Variants in UBE2W observed in about 807,000 individuals in gnomAD.
UBE2W encodes the protein ubiquitin-conjugating enzyme E2 W.
UBE2W carries 18 observed loss-of-function variants against 27.2 expected under a neutral mutation model. The observed-to-expected ratio is 0.66, with a 90% CI of 0.46 to 0.98. The LOEUF (loss-of-function observed/expected upper bound fraction) is 0.98, where lower values mean the gene tolerates loss of function less well. Ranked by LOEUF, UBE2W falls within the 50% of genes least tolerant of loss-of-function variation. UBE2W has a pLI of 0.00. For missense variants in UBE2W, 90 were observed against 180.2 expected, an observed-to-expected ratio of 0.50 and a Z score of 2.87; for synonymous variants, 53 against 57.2, an observed-to-expected ratio of 0.93 and a Z score of 0.33.
intron 1 of UBE2W, chr8:73,870,265 T>G (rs1175206871): frequency 2.5e-6 from 4 of 1,586,634 alleles, no homozygotes; most frequent in Non-Finnish European, 2.6e-6. Context: ...AAACACACAC[T>G]TACTGGAAAC....
rs1461684717 is a variant in UBE2W at position 73,789,018 on chromosome 8, C to A, written c.*5084G>T. 1.0e-6 allele frequency: 1 copy of A among 983,390 alleles called. No homozygotes were observed. Among genetic ancestry groups the A allele is most frequent in the Admixed American group, 6.2e-5 (1 of 16,228 alleles). 60.9% of individuals were successfully genotyped at this position (983,390 alleles called of 1,614,324 possible). On this transcript the variant is annotated 3_prime_UTR_variant, in exon 6 of 6. Transcript: ENST00000602593. ...CATTCTAGAGACTCATCACAAAATA[C>A]AAGTCACAATATTAACATATGAAAA...
At chr8:73,781,792 T>C (rs1284323343), downstream of UBE2W, among the ~76,000 whole-genome samples, 9 of 152,096 alleles carry the variant, frequency 5.9e-5, no homozygotes, top group Admixed American at 5.9e-4. Flanking sequence ...TTGCCCAGGC[T>C]AGACTCAGGT....
At chr8:73,840,538 A>T (rs1335087828) in intron 1 of UBE2W, among the ~76,000 whole-genome samples, 3 of 152,266 alleles carry the variant, frequency 2.0e-5, no homozygotes, top group African/African-American at 7.2e-5. Context: ...GCAAAATATC[A>T]ACCAAGAAAT....
chr8:73,824,924 A>G (rs1043136605), intron 3 of UBE2W, among the ~76,000 whole-genome samples: 2 of 152,206 alleles, frequency 1.3e-5, no homozygotes, highest in Non-Finnish European at 2.9e-5. Context: ...GTTAGCATTT[A>G]TGGATAAGCA....
chr8:73,807,941 T>C (rs1211821190), intron 4 of UBE2W, among the ~76,000 whole-genome samples: 1 of 152,150 alleles, frequency 6.6e-6, no homozygotes, highest in Admixed American at 6.5e-5. Context: ...TACAAAGGCA[T>C]GCAAATAAAG....
chr8:73,784,726 T>G (rs982082261), downstream of UBE2W, among the ~76,000 whole-genome samples: 3 of 152,106 alleles, frequency 2.0e-5, no homozygotes, highest in African/African-American at 7.2e-5. Context: ...TGATCTTTAC[T>G]ATGAAGTAGA....
At chr8:73,878,230 C>G (rs923106502) in intron 1 of UBE2W, among the ~76,000 whole-genome samples, 2 of 152,180 alleles carry the variant, frequency 1.3e-5, no homozygotes, top group African/African-American at 4.8e-5. Flanking sequence ...AAGATACCCA[C>G]GGGCACAGGA....
At position 73,865,339 on chromosome 8, in the gene UBE2W, A is replaced by C. The variant is rs79072742; in HGVS notation, c.15+13469T>G. Among the ~76,000 whole-genome samples, 665 of 152,258 alleles carry C rather than the reference A, an allele frequency of 4.4e-3. 7 individuals are homozygous for C. The highest frequency in any genetic ancestry group is 0.015 in the African/African-American group (639 of 41,512). Reference sequence around the variant, plus strand: ...TAACCTAAACTAATTGTTATAAAGAAATGAATTCTATGTCTGTAACCCCAG... The same window carrying C: ...TAACCTAAACTAATTGTTATAAAGACATGAATTCTATGTCTGTAACCCCAG... On this transcript the variant is annotated intron_variant, in intron 1 of 5. Coordinates refer to ENST00000602593, the MANE Select transcript of UBE2W (RefSeq NM_018299.6).
chr8:73,813,711 A>G (rs1809268621), intron 3 of UBE2W, among the ~76,000 whole-genome samples: 1 of 152,056 alleles, frequency 6.6e-6, no homozygotes. Context: ...TCAATAGTTC[A>G]TTCACATAAG....
chr8:73,866,278 A>AT (rs1811754651), intron 1 of UBE2W, among the ~76,000 whole-genome samples: 1 of 94,780 alleles, frequency 1.1e-5, no homozygotes, highest in African/African-American at 4.9e-5. Flanking sequence ...TAAAAAAAAA[A>AT]AAAAAAAAAA....
At position 73,793,953 on chromosome 8, in the gene UBE2W, T is replaced by C; in HGVS notation, c.*149A>G. ...ACCAGCGATCAACATGCGCCCAGAA[T>C]GCACACGAGTAAAAATGCAGTAAAA... On this transcript the variant is annotated 3_prime_UTR_variant, in exon 6 of 6. Coordinates refer to ENST00000602593, the MANE Select transcript of UBE2W (RefSeq NM_018299.6). The C allele has an allele frequency of 3.4e-6, 5 of 1,470,852 alleles. No homozygotes were observed. Among genetic ancestry groups the C allele is most frequent in the Non-Finnish European group, 4.5e-6 (5 of 1,109,786 alleles). 91.1% of individuals were successfully genotyped at this position (1,470,852 alleles called of 1,614,324 possible).
intron 3 of UBE2W, among the ~76,000 whole-genome samples, chr8:73,812,784 C>G (rs1284181849): frequency 1.3e-5 from 2 of 151,916 alleles, no homozygotes; most frequent in African/African-American, 4.8e-5. Flanking sequence ...GGGTGGATCA[C>G]CTGAGGTCAG....
At position 73,790,503 on chromosome 8, in the gene UBE2W, C is replaced by T. The variant is rs965915455; in HGVS notation, c.*3599G>A. On this transcript the variant is annotated 3_prime_UTR_variant, in exon 6 of 6. Transcript: ENST00000602593. ...CTTTTTGAAAAGCAATTTACATACA[C>T]AATTACAAATAATTGTAAATTTTAA... is the stretch of plus-strand genomic sequence containing the variant. 9.1e-6 allele frequency: 9 copies of T among 984,056 alleles called. No individual in the cohort carries two copies. The highest frequency in any genetic ancestry group is 1.7e-5 in the African/African-American group (1 of 57,168). 61.0% of individuals were successfully genotyped at this position (984,056 alleles called of 1,614,324 possible).
downstream of UBE2W, among the ~76,000 whole-genome samples, chr8:73,781,269 C>CA (rs72377675): frequency 0.011 from 932 of 85,654 alleles, 2 homozygotes; most frequent in South Asian, 0.013. Context: ...GACTCAGTCT[C>CA]AAAAAAAAAA....
In UBE2W at chr8:73,791,721, T is replaced by C. The variant is rs965636302; in HGVS notation, c.*2381A>G. On this transcript the variant is annotated 3_prime_UTR_variant, in exon 6 of 6. Coordinates refer to ENST00000602593, the MANE Select transcript of UBE2W (RefSeq NM_018299.6). ...ATTCAAGAGAGTGTTGTTAGCCTGA[T>C]TATGAATTTTAAATGTCTGTGCTCC... 1 of 984,802 alleles carries C rather than the reference T, an allele frequency of 1.0e-6. No homozygotes were observed. Among genetic ancestry groups the C allele is most frequent in the Non-Finnish European group, 1.2e-6 (1 of 829,586 alleles). The allele number at this position is 984,802 out of a possible 1,614,324, so 61.0% of individuals were successfully genotyped here. A position where few individuals can be genotyped will look rare whatever the true frequency, so the allele number is the denominator to read the frequency against.
intron 1 of UBE2W, among the ~76,000 whole-genome samples, chr8:73,847,385 A>G (rs759776821): frequency 6.6e-6 from 1 of 152,246 alleles, no homozygotes; most frequent in Non-Finnish European, 1.5e-5. Context: ...GTTCTCATAC[A>G]TGGCTGGTAG....
chr8:73,878,514 G>A (rs1363620286), intron 1 of UBE2W, among the ~76,000 whole-genome samples: 1 of 152,184 alleles, frequency 6.6e-6, no homozygotes, highest in Non-Finnish European at 1.5e-5. Flanking sequence ...TGTGCGGGGA[G>A]CCGATTCTGA....
At chr8:73,850,775 G>A (rs1811043851) in intron 1 of UBE2W, among the ~76,000 whole-genome samples, 2 of 143,120 alleles carry the variant, frequency 1.4e-5, no homozygotes, top group Admixed American at 1.4e-4. Flanking sequence ...GGCTTCAAAG[G>A]TAATGGCAAC....
At chr8:73,877,237 CT>C (rs924211623) in intron 1 of UBE2W, among the ~76,000 whole-genome samples, 1 of 152,198 alleles carries the variant, frequency 6.6e-6, no homozygotes, top group African/African-American at 2.4e-5. Context: ...CCTATTGCAT[CT>C]ACTGTTCAAC....
Sources: allele counts gnomAD v4.1 joint callset (sites outside exome capture counted in the v4.1 genomes callset), GRCh38; gene constraint gnomAD v4.1.1; transcripts MANE v1.5; gene names NCBI Gene and HGNC (gene_info 2026-07-23, HGNC 2026-07-21).